KIAA1217: variants seen among roughly 807,000 people sequenced by gnomAD.
The protein encoded by KIAA1217 is KIAA1217.
A neutral mutation model predicts 163.9 loss-of-function variants in KIAA1217; 88 were observed. The ratio of observed to expected loss-of-function variants is 0.54; its 90% CI spans 0.45 to 0.64. The LOEUF (loss-of-function observed/expected upper bound fraction) is 0.64. Among genes scored for constraint, KIAA1217 ranks in the 30% least tolerant of loss-of-function variants. The pLI is 0.00. For missense variants in KIAA1217, 2,372 were observed against 2,475.0 expected, an observed-to-expected ratio of 0.96 and a Z score of 0.88; for synonymous variants, 903 against 923.1, an observed-to-expected ratio of 0.98 and a Z score of 0.39.
At chr10:23,918,365 A>G (rs774653677) in intron 1 of KIAA1217, among the ~76,000 whole-genome samples, 1 of 152,132 alleles carries the variant, frequency 6.6e-6, no homozygotes, top group Middle Eastern at 3.2e-3. Context: ...GCTCATCTCC[A>G]TGTGAAAAAT....
chr10:24,532,664 G>T (rs565680687), intron 15 of KIAA1217, among the ~76,000 whole-genome samples: 3 of 152,062 alleles, frequency 2.0e-5, no homozygotes, highest in Non-Finnish European at 4.4e-5. Flanking sequence ...TTTATAAAAC[G>T]GTCCGATCTC....
At chr10:24,492,868 G>GAC (rs2066321910) in intron 6 of KIAA1217, among the ~76,000 whole-genome samples, 1 of 148,940 alleles carries the variant, frequency 6.7e-6, no homozygotes, top group Non-Finnish European at 1.5e-5. Context: ...TTTTTTTTGA[G>GAC]ACAGTCTTGC....
At chr10:23,950,964 T>A (rs1226128760) in intron 1 of KIAA1217, among the ~76,000 whole-genome samples, 1 of 152,172 alleles carries the variant, frequency 6.6e-6, no homozygotes, top group African/African-American at 2.4e-5. Flanking sequence ...ATTTATTGTG[T>A]GGTGCCAGTC....
chr10:23,929,103 G>C (rs536516886), intron 1 of KIAA1217, among the ~76,000 whole-genome samples: 1 of 152,256 alleles, frequency 6.6e-6, no homozygotes, highest in African/African-American at 2.4e-5. Flanking sequence ...AAATCAGGTA[G>C]GGCCTTGTAA....
intron 1 of KIAA1217, among the ~76,000 whole-genome samples, chr10:23,763,488 A>G (rs924633983): frequency 6.6e-6 from 1 of 152,158 alleles, no homozygotes; most frequent in Non-Finnish European, 1.5e-5. Flanking sequence ...TCTTCGATAA[A>G]CCCCACAAAA....
chr10:24,181,640 GA>G (rs1369213321), intron 2 of KIAA1217, among the ~76,000 whole-genome samples: 1 of 152,142 alleles, frequency 6.6e-6, no homozygotes, highest in Non-Finnish European at 1.5e-5. Flanking sequence ...AATGTACCTG[GA>G]AAAATAATTA....
At chr10:23,897,765 C>A (rs1841769350) in intron 1 of KIAA1217, among the ~76,000 whole-genome samples, 1 of 151,334 alleles carries the variant, frequency 6.6e-6, no homozygotes, top group South Asian at 2.1e-4. Flanking sequence ...TCATATGGAA[C>A]CAAAATATAA....
At chr10:24,007,920 A>G (rs755111469) in intron 2 of KIAA1217, among the ~76,000 whole-genome samples, 1 of 152,154 alleles carries the variant, frequency 6.6e-6, no homozygotes. Flanking sequence ...GCTTTCCCCA[A>G]ATCAGCCTAC....
chr10:24,121,358 A>G (rs546417646), intron 2 of KIAA1217, among the ~76,000 whole-genome samples: 2 of 152,304 alleles, frequency 1.3e-5, no homozygotes, highest in South Asian at 4.1e-4. Flanking sequence ...CACCCATGTC[A>G]TGCTTTTCTG....
intron 1 of KIAA1217, among the ~76,000 whole-genome samples, chr10:24,006,047 C>T (rs1397854795): frequency 3.3e-5 from 5 of 152,126 alleles, no homozygotes; most frequent in East Asian, 3.8e-4. Flanking sequence ...CTGTGTTATA[C>T]GGTTTCAGTG....
intron 2 of KIAA1217, among the ~76,000 whole-genome samples, chr10:24,350,159 T>A (rs1442606521): frequency 6.6e-6 from 1 of 152,238 alleles, no homozygotes; most frequent in Non-Finnish European, 1.5e-5. Context: ...TCATTACCTT[T>A]TGGCTTGAGG....
intron 1 of KIAA1217, among the ~76,000 whole-genome samples, chr10:23,990,896 T>C (rs1157772671): frequency 6.6e-6 from 1 of 152,088 alleles, no homozygotes; most frequent in African/African-American, 2.4e-5. Flanking sequence ...ATTTTAGAGG[T>C]AGAAAGAACG....
At chr10:24,060,963 G>A (rs1371165665) in intron 2 of KIAA1217, among the ~76,000 whole-genome samples, 1 of 152,082 alleles carries the variant, frequency 6.6e-6, no homozygotes, top group Non-Finnish European at 1.5e-5. Flanking sequence ...TGTTGTAAAA[G>A]GTTGCTCAAA....
intron 9 of KIAA1217, among the ~76,000 whole-genome samples, chr10:24,506,359 C>A (rs758286216): frequency 6.6e-6 from 1 of 152,140 alleles, no homozygotes; most frequent in African/African-American, 2.4e-5. Context: ...CCTAAGAAAT[C>A]AAAATTGAGT....
chr10:24,101,227 A>G (rs1338675665), intron 2 of KIAA1217, among the ~76,000 whole-genome samples: 1 of 152,238 alleles, frequency 6.6e-6, no homozygotes, highest in Non-Finnish European at 1.5e-5. Flanking sequence ...ACATTATTGC[A>G]GAAACCCAGC....
chr10:23,704,134 A>G (rs1317231116), intron 1 of KIAA1217, among the ~76,000 whole-genome samples: 12 of 92,978 alleles, frequency 1.3e-4, no homozygotes, highest in African/African-American at 5.7e-4. Context: ...ATATGCATGT[A>G]TGTGTGTGTG....
chr10:24,068,108 C>T (rs972707313), intron 2 of KIAA1217, among the ~76,000 whole-genome samples: 6 of 152,222 alleles, frequency 3.9e-5, no homozygotes, highest in East Asian at 3.9e-4. Context: ...GGCGATGCCT[C>T]GCCTTGCTTC....
chr10:23,917,458 G>A (rs1207598955), intron 1 of KIAA1217, among the ~76,000 whole-genome samples: 1 of 152,190 alleles, frequency 6.6e-6, no homozygotes. Context: ...TGTGAAAAGA[G>A]GGCAGTGGAA....
intron 1 of KIAA1217, among the ~76,000 whole-genome samples, chr10:24,211,362 T>A (rs1265023521): frequency 9.2e-6 from 1 of 108,500 alleles, no homozygotes. Flanking sequence ...GTGGGACTAC[T>A]TTTTTTTTTT....
Sources: gnomAD v4.1 joint callset for allele counts (sites outside exome capture counted in the v4.1 genomes callset) on GRCh38, gnomAD v4.1.1 for gene constraint, MANE v1.5 for transcripts, NCBI Gene and HGNC (gene_info 2026-07-23, HGNC 2026-07-21) for gene names.